ST6GALNAC3: variants seen among roughly 807,000 people sequenced by gnomAD.
ST6GALNAC3 encodes the protein alpha-N-acetylgalactosaminide alpha-2,6-sialyltransferase 3.
In ST6GALNAC3, 25 loss-of-function variants were observed where a neutral mutation model predicts 32.7. That is an observed-to-expected ratio of 0.76 (90% CI 0.56 to 1.07). The LOEUF (loss-of-function observed/expected upper bound fraction) is 1.07. ST6GALNAC3 is among the 50% of genes least tolerant of loss of function. The pLI is 0.00. For synonymous variants in ST6GALNAC3, 129 were observed against 133.1 expected (o/e 0.97, Z 0.21); for missense variants, 355 against 382.4 (o/e 0.93, Z 0.60).
chr1:76,160,092 A>G (rs1400846492), intron 1 of ST6GALNAC3, among the ~76,000 whole-genome samples: 1 of 152,104 alleles, frequency 6.6e-6, no homozygotes, highest in Non-Finnish European at 1.5e-5. Context: ...TTCAAGGATG[A>G]GTAGGAATTT....
At position 76,121,577 on chromosome 1, in the gene ST6GALNAC3, A is replaced by G. The variant is rs926943396; in HGVS notation, c.18+46693A>G. On this transcript the variant is annotated intron_variant, in intron 1 of 4. Transcript: ENST00000328299. ...TAAAAATACAAAAAATTAGCTGGGC[A>G]TGGTGATGGGTGCCTGTAATCCCAG... 2.6e-5 allele frequency among the ~76,000 whole-genome samples: 4 copies of G among 152,148 alleles called. 1 individual carries two copies. The highest frequency in any genetic ancestry group is 2.6e-4 in the Admixed American group (4 of 15,280).
intron 2 of ST6GALNAC3, among the ~76,000 whole-genome samples, chr1:76,366,130 T>C (rs1470920665): frequency 2.6e-5 from 4 of 152,176 alleles, no homozygotes; most frequent in Admixed American, 2.0e-4. Flanking sequence ...CATTTCAGAA[T>C]TTCTTGCTCC....
At position 76,633,603 on chromosome 1, in the gene ST6GALNAC3, C is replaced by G. The variant is rs1251249473; in HGVS notation, c.*4797C>G. Reference sequence around the variant, plus strand: ...GGCAGGCCCTGTTGTTGACATTTCCCCAGAGCTAAAATGTCCTCATACTCA... The same window carrying G: ...GGCAGGCCCTGTTGTTGACATTTCCGCAGAGCTAAAATGTCCTCATACTCA... On this transcript the variant is annotated 3_prime_UTR_variant, in exon 5 of 5. Transcript: ENST00000328299. 1 of 152,076 alleles carries G rather than the reference C, an allele frequency of 6.6e-6. No homozygotes were observed. The highest frequency in any genetic ancestry group is 1.5e-5 in the Non-Finnish European group (1 of 68,010). The allele number at this position is 152,076 out of a possible 1,614,324, so 9.4% of individuals were successfully genotyped here. A position where few individuals can be genotyped will look rare whatever the true frequency, so the allele number is the denominator to read the frequency against.
chr1:76,542,500 G>A (rs920584860), intron 3 of ST6GALNAC3, among the ~76,000 whole-genome samples: 2 of 152,102 alleles, frequency 1.3e-5, no homozygotes, highest in Admixed American at 1.3e-4. Flanking sequence ...GCAGAGGCTG[G>A]GACTGCTTTC....
At chr1:76,284,773 G>C (rs543345667) in intron 1 of ST6GALNAC3, among the ~76,000 whole-genome samples, 1 of 152,136 alleles carries the variant, frequency 6.6e-6, no homozygotes, top group Admixed American at 6.5e-5. Flanking sequence ...CTCATATAAG[G>C]TATCTTAGTC....
Position 76,629,714 on chromosome 1 carries a change from A to C in ST6GALNAC3, c.*908A>C. The C allele has an allele frequency of 3.0e-6, 3 of 984,700 alleles. No homozygotes were observed. In the South Asian group the frequency reaches 1.4e-4, roughly 46 times the overall value. The allele number at this position is 984,700 out of a possible 1,614,324, so 61.0% of individuals were successfully genotyped here. On this transcript the variant is annotated 3_prime_UTR_variant, in exon 5 of 5. Transcript: ENST00000328299. Reference sequence around the variant, plus strand: ...CTTCAACATCCAACAACACAAAACTATATGATTTTTAAAATCATGAAATAG... The same window carrying C: ...CTTCAACATCCAACAACACAAAACTCTATGATTTTTAAAATCATGAAATAG...
chr1:76,528,480 G>A (rs1244514983), intron 3 of ST6GALNAC3, among the ~76,000 whole-genome samples: 1 of 152,156 alleles, frequency 6.6e-6, no homozygotes, highest in Non-Finnish European at 1.5e-5. Context: ...AGTGTCCTGA[G>A]ATAGAAGGAT....
intron 1 of ST6GALNAC3, among the ~76,000 whole-genome samples, chr1:76,148,138 C>A (rs988137046): frequency 6.6e-6 from 1 of 152,152 alleles, no homozygotes; most frequent in African/African-American, 2.4e-5. Context: ...AAGTAACCCC[C>A]ACGTGTGCCT....
chr1:76,216,194 G>T (rs181972589), intron 1 of ST6GALNAC3, among the ~76,000 whole-genome samples: 1 of 152,092 alleles, frequency 6.6e-6, no homozygotes, highest in Non-Finnish European at 1.5e-5. Context: ...TTTTTGCTCA[G>T]ATTACAACCT....
At chr1:76,438,473 A>T (rs1656324413) in intron 3 of ST6GALNAC3, among the ~76,000 whole-genome samples, 1 of 152,204 alleles carries the variant, frequency 6.6e-6, no homozygotes, top group African/African-American at 2.4e-5. Context: ...ACTTAATTAT[A>T]TTTAATTCCT....
chr1:76,125,973 G>A (rs1024574822), intron 1 of ST6GALNAC3, among the ~76,000 whole-genome samples: 1 of 152,192 alleles, frequency 6.6e-6, no homozygotes, highest in Non-Finnish European at 1.5e-5. Context: ...TATTCAGTTA[G>A]TGTAAATCTT....
chr1:76,537,110 C>CA (rs1397141505), intron 3 of ST6GALNAC3, among the ~76,000 whole-genome samples: 3 of 152,006 alleles, frequency 2.0e-5, no homozygotes, highest in Non-Finnish European at 4.4e-5. Context: ...GCAACAAATG[C>CA]AAAAAAACTG....
chr1:76,189,719 G>A (rs1209833365), intron 1 of ST6GALNAC3, among the ~76,000 whole-genome samples: 1 of 148,304 alleles, frequency 6.7e-6, no homozygotes, highest in Non-Finnish European at 1.5e-5. Flanking sequence ...CCATGTGGAG[G>A]TATGGAGGAG....
intron 2 of ST6GALNAC3, among the ~76,000 whole-genome samples, chr1:76,343,957 G>T (rs1648279821): frequency 6.6e-6 from 1 of 152,194 alleles, no homozygotes; most frequent in African/African-American, 2.4e-5. Flanking sequence ...GTATCCACTA[G>T]ATGTCAGGCA....
chr1:76,368,929 G>C (rs921024629), intron 2 of ST6GALNAC3, among the ~76,000 whole-genome samples: 2 of 152,162 alleles, frequency 1.3e-5, no homozygotes, highest in African/African-American at 4.8e-5. Context: ...CTGCTCTGCT[G>C]TCTCGAGGTG....
At chr1:76,563,492 G>A (rs1288402532) in intron 3 of ST6GALNAC3, among the ~76,000 whole-genome samples, 1 of 152,112 alleles carries the variant, frequency 6.6e-6, no homozygotes, top group East Asian at 1.9e-4. Context: ...ATCCTCAAAG[G>A]AAGATAATAC....
intron 1 of ST6GALNAC3, among the ~76,000 whole-genome samples, chr1:76,124,472 C>G (rs1649110496): frequency 6.6e-6 from 1 of 152,202 alleles, no homozygotes; most frequent in African/African-American, 2.4e-5. Context: ...GCAATGTAGT[C>G]TGTCCCTGGT....
At chr1:76,459,158 T>C (rs1337645226) in intron 3 of ST6GALNAC3, among the ~76,000 whole-genome samples, 1 of 152,222 alleles carries the variant, frequency 6.6e-6, no homozygotes, top group East Asian at 1.9e-4. Context: ...TTAGTTCTGA[T>C]AAATTTGGTT....
At chr1:76,096,671 G>A (rs1046211955) in intron 1 of ST6GALNAC3, among the ~76,000 whole-genome samples, 16 of 151,826 alleles carry the variant, frequency 1.1e-4, no homozygotes, top group African/African-American at 3.6e-4. Flanking sequence ...TTATCATGAA[G>A]TGAATATATT....
Sources: allele counts gnomAD v4.1 joint callset (sites outside exome capture counted in the v4.1 genomes callset), GRCh38; gene constraint gnomAD v4.1.1; transcripts MANE v1.5; gene names NCBI Gene and HGNC (gene_info 2026-07-23, HGNC 2026-07-21).